Variants in POLK observed in about 807,000 individuals in gnomAD.
POLK encodes polymerase (DNA directed) kappa.
A neutral mutation model predicts 94.0 loss-of-function variants in POLK; 76 were observed. The ratio of observed to expected loss-of-function variants is 0.81; its 90% confidence interval spans 0.67 to 0.98. The LOEUF is 0.98. Among genes scored for constraint, POLK ranks in the 50% least tolerant of loss-of-function variants. The pLI is 0.00. For missense variants in POLK, 954 were observed against 1,010.1 expected, an observed-to-expected ratio of 0.94 and a Z score of 0.75; for synonymous variants, 349 against 325.4, an observed-to-expected ratio of 1.07 and a Z score of -0.78.
At chr5:75,511,648 C>T (rs1768013330), upstream of POLK, 1 of 1,508,312 alleles carries the variant, frequency 6.6e-7, no homozygotes, top group Non-Finnish European at 8.9e-7. Flanking sequence ...CTCCCCTGTC[C>T]TTTCCCCTCC....
Position 75,511,937 on chromosome 5 carries a change from G to T in POLK, c.-14+23G>T, listed in dbSNP as rs1768040146. On this transcript the variant is annotated intron_variant, in intron 1 of 14. Transcript: ENST00000241436. ...CGGGTGAGTATCCCGCGCGGGGATC[G>T]CTTGTCCCCTTGGGGCCTTGTCAGT... 6.9e-6 allele frequency: 7 copies of T among 1,021,758 alleles called. No individual in the cohort carries two copies. The Middle Eastern group carries it at 6.6e-4, about 96-fold the overall frequency. 63.3% of individuals were successfully genotyped at this position (1,021,758 alleles called of 1,614,324 possible). A position where few individuals can be genotyped will look rare whatever the true frequency, so the allele number is the denominator to read the frequency against.
downstream of POLK, among the ~76,000 whole-genome samples, chr5:75,605,729 A>G (rs1346665962): frequency 6.6e-6 from 1 of 152,198 alleles, no homozygotes. Flanking sequence ...TACCTAAGAT[A>G]GGGAGTCTAA....
At chr5:75,511,776 G>T (rs1207681877) in exon 1 of POLK, 2 of 1,551,522 alleles carry the variant, frequency 1.3e-6, no homozygotes, top group Non-Finnish European at 1.7e-6. Context: ...TCTCCCGGGT[G>T]ACGACGGGTA....
intron 4 of POLK, among the ~76,000 whole-genome samples, chr5:75,569,981 G>C (rs1369779424): frequency 6.6e-6 from 1 of 152,042 alleles, no homozygotes; most frequent in Non-Finnish European, 1.5e-5. Context: ...ACAAGCTTAG[G>C]GCTCCCATTG....
chr5:75,545,121 A>G lies in POLK; in HGVS notation c.-13-1889A>G, dbSNP rs1010344731. Reference sequence around the variant, plus strand: ...TGTGCAGCAAAGTTTGAGAACTACCATGATGTATACTTTTTTTCCTAGTGA... The same window carrying G: ...TGTGCAGCAAAGTTTGAGAACTACCGTGATGTATACTTTTTTTCCTAGTGA... On this transcript the variant is annotated intron_variant, in intron 1 of 14. Transcript: ENST00000241436. 5.9e-5 allele frequency among the ~76,000 whole-genome samples: 9 copies of G among 152,308 alleles called. No homozygotes were observed. In the East Asian group the frequency reaches 1.5e-3, roughly 26 times the overall value.
intron 2 of POLK, among the ~76,000 whole-genome samples, chr5:75,551,023 A>T (rs996244112): frequency 1.3e-5 from 2 of 152,080 alleles, no homozygotes; most frequent in Non-Finnish European, 2.9e-5. Flanking sequence ...GGAGTTTGAG[A>T]CCAGCCTGGG....
chr5:75,609,245 T>A, the POLK span: 1 of 151,964 alleles, frequency 6.6e-6, no homozygotes, highest in Non-Finnish European at 1.5e-5. Flanking sequence ...TTTTTTAAAA[T>A]TATTTTTTAT....
intron 3 of POLK, among the ~76,000 whole-genome samples, chr5:75,568,258 ACTGTT>A (rs746539117): frequency 6.6e-6 from 1 of 152,162 alleles, no homozygotes; most frequent in African/African-American, 2.4e-5. Context: ...TGTACCAGGT[ACTGTT>A]CTATGTTCTG....
At chr5:75,582,632 G>C (rs1453625683) in intron 7 of POLK, 2 of 151,990 alleles carry the variant, frequency 1.3e-5, no homozygotes, top group African/African-American at 4.8e-5. Context: ...TCTTTTCTTA[G>C]AGATAGATAT....
At chr5:75,570,380 A>C (rs998208431) in intron 4 of POLK, among the ~76,000 whole-genome samples, 3 of 152,324 alleles carry the variant, frequency 2.0e-5, no homozygotes, top group South Asian at 2.1e-4. Context: ...ACTGATCTGC[A>C]GGCCAAATCC....
At chr5:75,597,037 T>C in exon 13 of POLK, 1 of 1,613,898 alleles carries the variant, frequency 6.2e-7, no homozygotes, top group East Asian at 2.2e-5. Flanking sequence ...TTGTCCTGTT[T>C]GTAACGTAGA....
At chr5:75,584,735 A>G (rs1772374066) in intron 8 of POLK, 25 bp from the exon 9 acceptor site, 1 of 1,304,036 alleles carries the variant, frequency 7.7e-7, no homozygotes, top group Non-Finnish European at 1.1e-6. Flanking sequence ...AAATCTATTA[A>G]TAATAAATAT....
At chr5:75,565,469 A>G (rs1161209326) in intron 3 of POLK, among the ~76,000 whole-genome samples, 1 of 152,030 alleles carries the variant, frequency 6.6e-6, no homozygotes, top group African/African-American at 2.4e-5. Context: ...GTGTTCTGTT[A>G]TTTGGAATTT....
At chr5:75,598,037 T>G (rs1773185125) in exon 15 of POLK, 3 of 916,808 alleles carry the variant, frequency 3.3e-6, no homozygotes, top group Middle Eastern at 4.9e-4. Context: ...CATTTTATCA[T>G]TAATTTTTAA....
At chr5:75,564,293 C>T (rs1473661897) in intron 3 of POLK, among the ~76,000 whole-genome samples, 1 of 151,258 alleles carries the variant, frequency 6.6e-6, no homozygotes, top group Non-Finnish European at 1.5e-5. Context: ...AATCTTCCTC[C>T]ATGTCTTTAT....
intron 1 of POLK, among the ~76,000 whole-genome samples, chr5:75,537,870 T>A (rs1213240574): frequency 1.3e-5 from 2 of 152,122 alleles, no homozygotes; most frequent in Non-Finnish European, 2.9e-5. Context: ...TTATTTATTT[T>A]TTTTGAGACG....
upstream of POLK, chr5:75,511,612 C>CTG (rs1019539939): frequency 6.8e-7 from 1 of 1,470,718 alleles, no homozygotes; most frequent in Non-Finnish European, 9.0e-7. Context: ...CGCCATCTTC[C>CTG]TGCCTGGCCC....
rs1772515200 is a variant in POLK at position 75,587,111 on chromosome 5, T to A, written c.1259+53T>A. 3.0e-6 allele frequency: 3 copies of A among 995,926 alleles called. No homozygotes were observed. In the Admixed American group the frequency reaches 7.3e-5, roughly 24 times the overall value. The allele number at this position is 995,926 out of a possible 1,614,324, so 61.7% of individuals were successfully genotyped here. ...GTGCATAATTCATGTTATTTTAAAC[T>A]AATATTGAATTAATTTTTAGTAAAT... On this transcript the variant is annotated intron_variant, in intron 10 of 14. Coordinates refer to ENST00000241436, the Ensembl canonical transcript of POLK.
intron 1 of POLK, among the ~76,000 whole-genome samples, chr5:75,520,721 C>A (rs1471895853): frequency 6.6e-6 from 1 of 152,088 alleles, no homozygotes; most frequent in Non-Finnish European, 1.5e-5. Flanking sequence ...GAGTTTTATA[C>A]CTTTAAATGT....
Sources: allele counts gnomAD v4.1 joint callset (sites outside exome capture counted in the v4.1 genomes callset), GRCh38; gene constraint gnomAD v4.1.1; transcripts MANE v1.5; gene names NCBI Gene and HGNC (gene_info 2026-07-23, HGNC 2026-07-21).